ARHGEF28: variants seen among roughly 807,000 people sequenced by gnomAD.
ARHGEF28 encodes the protein Rho guanine nucleotide exchange factor 28, also known as 190 kDa guanine nucleotide exchange factor.
A neutral mutation model predicts 206.6 loss-of-function variants in ARHGEF28; 152 were observed. The observed-to-expected ratio is 0.74, with a 90% confidence interval of 0.64 to 0.84. The LOEUF (loss-of-function observed/expected upper bound fraction) is 0.84, where lower values mean the gene tolerates loss of function less well. Among genes scored for constraint, ARHGEF28 ranks in the 40% least tolerant of loss-of-function variants. ARHGEF28 has a pLI of 0.00. For missense variants in ARHGEF28, 2,028 were observed against 2,073.2 expected (o/e 0.98, Z 0.42); for synonymous variants, 763 against 776.4 (o/e 0.98, Z 0.29).
chr5:73,901,451 A>G (rs574597944), intron 31 of ARHGEF28, 167 bp downstream of exon 31: 176 of 525,124 alleles, frequency 3.4e-4, no homozygotes, highest in African/African-American at 3.1e-3. Flanking sequence ...TTCTTCTTCA[A>G]ATGTGCTTGC....
At chr5:73,805,627 AG>A (rs2112506030) in intron 9 of ARHGEF28, among the ~76,000 whole-genome samples, 1 of 152,260 alleles carries the variant, frequency 6.6e-6, no homozygotes, top group South Asian at 2.1e-4. Flanking sequence ...TCCCTGTTGG[AG>A]TGGGTGCTTA....
intron 12 of ARHGEF28, among the ~76,000 whole-genome samples, chr5:73,848,410 G>T (rs1198125392): frequency 6.6e-6 from 1 of 152,098 alleles, no homozygotes; most frequent in Non-Finnish European, 1.5e-5. Context: ...CTAGATGGAA[G>T]GTCTATCAAA....
At chr5:73,628,878 T>G (rs1279984408) in intron 1 of ARHGEF28, among the ~76,000 whole-genome samples, 5 of 152,212 alleles carry the variant, frequency 3.3e-5, no homozygotes, top group Non-Finnish European at 5.9e-5. Flanking sequence ...TGTATGATAC[T>G]CTGCCATTTT....
At chr5:73,896,848 C>T (rs975600429) in intron 29 of ARHGEF28, among the ~76,000 whole-genome samples, 14 of 152,292 alleles carry the variant, frequency 9.2e-5, no homozygotes, top group African/African-American at 1.7e-4. Flanking sequence ...CCTGGCACAC[C>T]GTGACAGAGG....
At chr5:73,658,962 T>TACACACACAC (rs55877309) in intron 1 of ARHGEF28, among the ~76,000 whole-genome samples, 248 of 124,834 alleles carry the variant, frequency 2.0e-3, no homozygotes, top group East Asian at 6.5e-3. Flanking sequence ...TGCATGCAGG[T>TACACACACAC]ACACACACAC....
chr5:73,859,414 T>G (rs530129722), intron 16 of ARHGEF28, among the ~76,000 whole-genome samples: 1 of 152,234 alleles, frequency 6.6e-6, no homozygotes, highest in South Asian at 2.1e-4. Context: ...CCTCTGAAGC[T>G]CCTCATAAAC....
rs141711964 is a variant in ARHGEF28 at position 73,734,767 on chromosome 5, T to C, written c.34-15070T>C. Among the ~76,000 whole-genome samples, 338 of 152,300 alleles carry C rather than the reference T, an allele frequency of 2.2e-3. 2 individuals are homozygous for C. The Middle Eastern group carries it at 0.054, about 25-fold the overall frequency. On this transcript the variant is annotated intron_variant, in intron 2 of 35. Transcript: ENST00000513042. ...CACTTTGCCAAATTAGAGTGAACTG[T>C]CTTCAGGATAAAAATACTTCTGTTT...
In ARHGEF28 at chr5:73,873,253, A is replaced by G; in HGVS notation, c.2814+7A>G. 5 of 1,605,882 alleles carry G rather than the reference A, an allele frequency of 3.1e-6. No individual in the cohort carries two copies. The highest frequency in any genetic ancestry group is 4.3e-6 in the Non-Finnish European group (5 of 1,174,660). ...AGATATTTTGGTACAACAGGTAAGA[A>G]GAGCTTAAAGTCCTTGACCTTTATG... On this transcript the variant is annotated splice_region_variant and intron_variant, in intron 22 of 35. Coordinates refer to ENST00000513042, the MANE Select transcript of ARHGEF28 (RefSeq NM_001177693.2).
chr5:73,857,748 A>G lies in ARHGEF28; in HGVS notation c.1883A>G (p.Asn628Ser). 1.9e-6 allele frequency: 3 copies of G among 1,613,288 alleles called. No individual in the cohort carries two copies. The highest frequency in any genetic ancestry group is 2.5e-6 in the Non-Finnish European group (3 of 1,179,552). Reference sequence around the variant, plus strand: ...AGTCGAACTTTCAGTTTCCTCATGAATAGGATGACTAGCCCTCGGAATAAA... The same window carrying G: ...AGTCGAACTTTCAGTTTCCTCATGAGTAGGATGACTAGCCCTCGGAATAAA... ...KVSRTFSFLM[N>S]RMTSPRNKSK... is the part of the protein sequence containing the mutation. Residue 628 changes from asparagine (N) to serine (S), a missense_variant, in exon 15 of 36, where the codon AAT becomes AGT. By Grantham distance (46) the Asn-to-Ser change is conservative. Transcript: ENST00000513042.
chr5:73,890,817 A>G (rs1761580857), intron 26 of ARHGEF28, among the ~76,000 whole-genome samples: 1 of 152,344 alleles, frequency 6.6e-6, no homozygotes, highest in South Asian at 2.1e-4. Context: ...TGGAAGCCAC[A>G]GACCAAAGAA....
At chr5:73,794,025 CAT>C (rs1754642621) in intron 7 of ARHGEF28, among the ~76,000 whole-genome samples, 1 of 152,164 alleles carries the variant, frequency 6.6e-6, no homozygotes, top group East Asian at 1.9e-4. Context: ...AGGAAATAGA[CAT>C]GTGGGATTTC....
intron 35 of ARHGEF28, among the ~76,000 whole-genome samples, chr5:73,935,453 T>G (rs1323489119): frequency 6.6e-6 from 1 of 152,192 alleles, no homozygotes; most frequent in Non-Finnish European, 1.5e-5. Flanking sequence ...AAAATTGAGT[T>G]GCACAAAATT....
In ARHGEF28 at chr5:73,941,976, A is replaced by G. The variant is rs1048775319; in HGVS notation, c.*963A>G. On this transcript the variant is annotated 3_prime_UTR_variant, in exon 36 of 36. Transcript: ENST00000513042. ...CTTGTATGTATTTTGGTGTCAATAA[A>G]TATCTTGTACCTCATTATTTTACTT... 7.2e-5 allele frequency: 11 copies of G among 152,208 alleles called. No homozygotes were observed. The highest frequency in any genetic ancestry group is 6.5e-4 in the Admixed American group (10 of 15,290). 9.4% of individuals were successfully genotyped at this position (152,208 alleles called of 1,614,324 possible).
chr5:73,800,198 A>C (rs1321589614), intron 9 of ARHGEF28, among the ~76,000 whole-genome samples: 1 of 152,178 alleles, frequency 6.6e-6, no homozygotes, highest in Non-Finnish European at 1.5e-5. Context: ...AGCTGTGATC[A>C]TGAAAACAAG....
chr5:73,842,813 G>A lies in ARHGEF28; in HGVS notation c.1427+2053G>A, dbSNP rs143269136. ...AGGCGGCCAACACGGTGAAACTCCCGCTCTAGTAAAAATACAAAAATTAGC... is the reference window on the plus strand; with the variant it reads ...AGGCGGCCAACACGGTGAAACTCCCACTCTAGTAAAAATACAAAAATTAGC... On this transcript the variant is annotated intron_variant, in intron 11 of 35. Transcript: ENST00000513042. Among the ~76,000 whole-genome samples the A allele has an allele frequency of 3.0e-3, 462 of 151,870 alleles. 5 individuals are homozygous for A. The highest frequency in any genetic ancestry group is 0.011 in the African/African-American group (436 of 41,402).
chr5:73,831,571 A>G (rs901904857), intron 9 of ARHGEF28, among the ~76,000 whole-genome samples: 23 of 152,250 alleles, frequency 1.5e-4, no homozygotes, highest in Non-Finnish European at 2.4e-4. Flanking sequence ...GTCCTTTGAT[A>G]GAGGGTCATT....
chr5:73,808,523 G>A (rs74952650), intron 9 of ARHGEF28, among the ~76,000 whole-genome samples: 8,143 of 152,230 alleles, frequency 0.053, 290 homozygotes, highest in African/African-American at 0.096. Flanking sequence ...GACTGTTTGT[G>A]TTGAGCTTGC....
intron 9 of ARHGEF28, among the ~76,000 whole-genome samples, chr5:73,796,590 C>G (rs2973547): frequency 0.41 from 61,994 of 151,798 alleles, 13,117 homozygotes; most frequent in Non-Finnish European, 0.47. Flanking sequence ...GAGGAAGCAC[C>G]CTTGGTGTTG....
At chr5:73,796,459 C>T (rs562600483) in intron 9 of ARHGEF28, among the ~76,000 whole-genome samples, 8 of 152,292 alleles carry the variant, frequency 5.3e-5, no homozygotes, top group East Asian at 1.9e-4. Flanking sequence ...ACGGGGTCAC[C>T]GTGAGCCTAC....
Sources: gnomAD v4.1 joint callset for allele counts (sites outside exome capture counted in the v4.1 genomes callset) on GRCh38, gnomAD v4.1.1 for gene constraint, MANE v1.5 for transcripts, NCBI Gene and HGNC (gene_info 2026-07-23, HGNC 2026-07-21) for gene names.